Variants in THSD4 observed in about 807,000 individuals in gnomAD.
THSD4 encodes thrombospondin type-1 domain-containing protein 4.
A neutral mutation model predicts 119.0 loss-of-function variants in THSD4; 69 were observed. The observed-to-expected ratio is 0.58, with a 90% CI of 0.48 to 0.71. The LOEUF (loss-of-function observed/expected upper bound fraction) is 0.71. Ranked by LOEUF, THSD4 falls within the 30% of genes least tolerant of loss-of-function variation. The pLI is 0.00. For missense variants in THSD4, 1,393 were observed against 1,391.1 expected, an observed-to-expected ratio of 1.00 and a Z score of -0.02; for synonymous variants, 524 against 540.4, an observed-to-expected ratio of 0.97 and a Z score of 0.42.
At chr15:71,306,675 C>T (rs1289973230) in intron 6 of THSD4, among the ~76,000 whole-genome samples, 5 of 152,150 alleles carry the variant, frequency 3.3e-5, no homozygotes, top group African/African-American at 4.8e-5. Context: ...AATTCTGTGG[C>T]CAAATAAAGT....
intron 7 of THSD4, among the ~76,000 whole-genome samples, chr15:71,647,080 T>A (rs1448749040): frequency 6.6e-6 from 1 of 152,204 alleles, no homozygotes; most frequent in African/African-American, 2.4e-5. Flanking sequence ...TAAAAGCTCA[T>A]AAATACAATC....
At chr15:71,449,639 A>G (rs1000334813) in intron 7 of THSD4, among the ~76,000 whole-genome samples, 9 of 140,978 alleles carry the variant, frequency 6.4e-5, no homozygotes, top group Admixed American at 2.1e-4. Flanking sequence ...ACACAGGACA[A>G]TGATGATAAT....
intron 7 of THSD4, among the ~76,000 whole-genome samples, chr15:71,639,845 A>G (rs74398523): frequency 3.3e-5 from 5 of 152,002 alleles, no homozygotes; most frequent in African/African-American, 1.2e-4. Context: ...GCAAAAAAAA[A>G]AAAAAGAAAA....
intron 7 of THSD4, among the ~76,000 whole-genome samples, chr15:71,467,706 C>T (rs1326293937): frequency 6.6e-6 from 1 of 152,136 alleles, no homozygotes; most frequent in Non-Finnish European, 1.5e-5. Flanking sequence ...TGTGTCCCCA[C>T]CCAAATCTCA....
rs148352269 is a variant in THSD4 at position 71,677,930 on chromosome 15, T to G, written c.1357+17196T>G. On this transcript the variant is annotated intron_variant, in intron 8 of 17. Coordinates refer to ENST00000261862, the MANE Select transcript of THSD4 (RefSeq NM_024817.3). ...GCTGAGCTGGCTGAGTCTTGAATTT[T>G]TATGGAAGTGATTTGACACCGCTAT... 7.2e-5 allele frequency among the ~76,000 whole-genome samples: 11 copies of G among 152,330 alleles called. No individual in the cohort carries two copies. The East Asian group carries it at 2.1e-3, about 29-fold the overall frequency.
chr15:71,338,956 A>G (rs1012644034), intron 6 of THSD4, among the ~76,000 whole-genome samples: 2 of 152,140 alleles, frequency 1.3e-5, no homozygotes, highest in Non-Finnish European at 2.9e-5. Flanking sequence ...CTCTGTTTCT[A>G]TAGAAACAGG....
intron 7 of THSD4, among the ~76,000 whole-genome samples, chr15:71,532,073 T>C (rs1450670069): frequency 1.4e-5 from 2 of 138,832 alleles, no homozygotes; most frequent in Non-Finnish European, 3.1e-5. Context: ...GTCCAAGCCA[T>C]GCTGAGGAGT....
chr15:71,734,198 T>G (rs1346569011), intron 10 of THSD4, among the ~76,000 whole-genome samples: 5 of 152,064 alleles, frequency 3.3e-5, no homozygotes, highest in Non-Finnish European at 7.4e-5. Context: ...CAATATTCAG[T>G]CAAAATAGAA....
At chr15:71,127,877 C>G (rs1231552708) in intron 1 of THSD4, among the ~76,000 whole-genome samples, 1 of 152,126 alleles carries the variant, frequency 6.6e-6, no homozygotes, top group Non-Finnish European at 1.5e-5. Flanking sequence ...TCTCTTTACA[C>G]TATTGTTTCC....
In THSD4 at chr15:71,587,115, A is replaced by T. The variant is rs975358174; in HGVS notation, c.1153-73415A>T. On this transcript the variant is annotated intron_variant, in intron 7 of 17. Coordinates refer to ENST00000261862, the MANE Select transcript of THSD4 (RefSeq NM_024817.3). ...TTAGAATGGCAATCATTAAAAAGTC[A>T]GGAAACAACAGGTGCTGGAGAGGAT... 5.4e-5 allele frequency among the ~76,000 whole-genome samples: 8 copies of T among 149,170 alleles called. No individual in the cohort carries two copies. The South Asian group carries it at 1.8e-3, about 34-fold the overall frequency.
Position 71,215,152 on chromosome 15 carries a change from G to T in THSD4, c.217G>T (p.Val73Leu). 1 of 1,372,840 alleles carries T rather than the reference G, an allele frequency of 7.3e-7. No individual in the cohort carries two copies. The highest frequency in any genetic ancestry group is 3.2e-5 in the East Asian group (1 of 31,122). The allele number at this position is 1,372,840 out of a possible 1,614,324, so 85.0% of individuals were successfully genotyped here. ...SACSRSCSGG[V>L]MEQTRPCLPR... Reference sequence around the variant, plus strand: ...CTGCTCGCGTAGCTGCAGCGGCGGCGTGATGGAGCAGACGCGGCCCTGCCT... The same window carrying T: ...CTGCTCGCGTAGCTGCAGCGGCGGCTTGATGGAGCAGACGCGGCCCTGCCT... The change falls in exon 4 of 18, where the codon GTG becomes TTG. Residue 73 changes from valine (V) to leucine (L), a missense_variant. Transcript: ENST00000261862.
chr15:71,761,487 C>T (rs892815069), intron 15 of THSD4, among the ~76,000 whole-genome samples: 3 of 152,174 alleles, frequency 2.0e-5, no homozygotes, highest in Admixed American at 2.0e-4. Context: ...CTGCTTTCCC[C>T]CCAAAGATTT....
chr15:71,209,431 T>C (rs117634228), intron 3 of THSD4, among the ~76,000 whole-genome samples: 3,857 of 152,348 alleles, frequency 0.025, 77 homozygotes, highest in South Asian at 0.077. Flanking sequence ...AGAGAGTTTG[T>C]GTTAAAGTAG....
At chr15:71,254,908 G>A (rs1210593941) in intron 5 of THSD4, among the ~76,000 whole-genome samples, 1 of 152,066 alleles carries the variant, frequency 6.6e-6, no homozygotes, top group Non-Finnish European at 1.5e-5. Context: ...ATCATTTTCT[G>A]CTTTAGGGGG....
chr15:71,521,678 A>G (rs962653402), intron 7 of THSD4, among the ~76,000 whole-genome samples: 3 of 152,184 alleles, frequency 2.0e-5, no homozygotes, highest in Non-Finnish European at 4.4e-5. Context: ...GTGTTCTAAA[A>G]GAATTCATTA....
chr15:71,211,449 A>C (rs1039345268), intron 3 of THSD4, among the ~76,000 whole-genome samples: 1 of 152,030 alleles, frequency 6.6e-6, no homozygotes, highest in Non-Finnish European at 1.5e-5. Flanking sequence ...GAGTGGGGCT[A>C]AGAGAGAGAG....
At chr15:71,152,866 G>A (rs560616754) in intron 2 of THSD4, among the ~76,000 whole-genome samples, 3 of 152,198 alleles carry the variant, frequency 2.0e-5, no homozygotes, top group Admixed American at 6.5e-5. Flanking sequence ...CCCAGCTCCC[G>A]TACTCCATGG....
intron 6 of THSD4, among the ~76,000 whole-genome samples, chr15:71,402,749 C>T (rs2046553841): frequency 6.6e-6 from 1 of 152,194 alleles, no homozygotes. Context: ...TATGAGCCAG[C>T]TCCTAACTGC....
intron 7 of THSD4, among the ~76,000 whole-genome samples, chr15:71,438,859 A>G (rs1185570608): frequency 6.6e-6 from 1 of 152,224 alleles, no homozygotes; most frequent in Non-Finnish European, 1.5e-5. Flanking sequence ...TCACTTGGAA[A>G]AGCCACCTGT....
Sources: gnomAD v4.1 joint callset for allele counts (sites outside exome capture counted in the v4.1 genomes callset) on GRCh38, gnomAD v4.1.1 for gene constraint, MANE v1.5 for transcripts, NCBI Gene and HGNC (gene_info 2026-07-23, HGNC 2026-07-21) for gene names.